Variants in DYNC2H1 observed in about 807,000 individuals in gnomAD.
DYNC2H1 encodes the protein dynein cytoplasmic 2 heavy chain 1.
DYNC2H1 carries 410 observed loss-of-function variants against 570.0 expected under a neutral mutation model. The ratio of observed to expected loss-of-function variants is 0.72; its 90% CI spans 0.66 to 0.78. The LOEUF is 0.78. Among genes scored for constraint, DYNC2H1 ranks in the 30% least tolerant of loss-of-function variants. The pLI is 0.00. For missense variants in DYNC2H1, 4,865 were observed against 5,046.4 expected (o/e 0.96, Z 1.09); for synonymous variants, 1,688 against 1,677.6 (o/e 1.01, Z -0.15).
rs772666730 is a variant in DYNC2H1, at chr11:103,165,877, A to C, written c.4612-21A>C. On this transcript the variant is annotated intron_variant, in intron 30 of 88. Coordinates refer to ENST00000375735, the MANE Select transcript of DYNC2H1 (RefSeq NM_001377.3). ...TAAGTAAATTCACCTTTTAAAAATA[A>C]TTTTTCTCTTTATTCAATAGATTTT... The C allele has an allele frequency of 1.1e-4, 155 of 1,434,222 alleles. 1 individual carries two copies. The highest frequency in any genetic ancestry group is 1.8e-5 in the Non-Finnish European group (20 of 1,091,744). 88.8% of individuals were successfully genotyped at this position (1,434,222 alleles called of 1,614,324 possible).
chr11:103,135,723 G>A lies in DYNC2H1; in HGVS notation c.2349G>A (p.Gln783=). 6.2e-7 allele frequency: 1 copy of A among 1,608,254 alleles called. No homozygotes were observed. Among genetic ancestry groups the A allele is most frequent in the Non-Finnish European group, 8.5e-7 (1 of 1,176,828 alleles). ...PEINIDLTYK[Q]GRLQFRPPFE... is the part of the protein sequence containing the mutation. ...AAAGTTATTTATTTACTTTTAGACA[G>A]GGACGATTACAATTCAGGCCCCCTT... Residue 783 remains glutamine, a synonymous_variant, in exon 17 of 89, where the codon CAG becomes CAA. Coordinates refer to ENST00000375735, the MANE Select transcript of DYNC2H1 (RefSeq NM_001377.3).
chr11:103,456,765 C>T (rs960777139), intron 87 of DYNC2H1, among the ~76,000 whole-genome samples: 3 of 152,154 alleles, frequency 2.0e-5, no homozygotes, highest in Non-Finnish European at 4.4e-5. Flanking sequence ...AATGTGATAC[C>T]ACGTATTGTC....
intron 70 of DYNC2H1, among the ~76,000 whole-genome samples, chr11:103,278,313 T>A (rs1300031577): frequency 6.6e-6 from 1 of 152,202 alleles, no homozygotes; most frequent in Non-Finnish European, 1.5e-5. Flanking sequence ...AATAAAATGA[T>A]AATAACTAAT....
In DYNC2H1 at chr11:103,157,171, T is replaced by C. The variant is rs991642985; in HGVS notation, c.4127+401T>C. On this transcript the variant is annotated intron_variant, in intron 26 of 88. Coordinates refer to ENST00000375735, the MANE Select transcript of DYNC2H1 (RefSeq NM_001377.3). The surrounding 1 kb of genome is among the most constrained non-coding windows in gnomAD (Gnocchi z 4.2). ...TCTCTTGGTTTTCTGACTGTCTCTC[T>C]AGTTCAACACATAGTTCCTAGTCCT... 8.5e-5 allele frequency among the ~76,000 whole-genome samples: 13 copies of C among 152,226 alleles called. No individual in the cohort carries two copies. Among genetic ancestry groups the C allele is most frequent in the African/African-American group, 3.1e-4 (13 of 41,470 alleles).
chr11:103,413,019 C>G (rs981559841), intron 84 of DYNC2H1, among the ~76,000 whole-genome samples: 15 of 152,148 alleles, frequency 9.9e-5, no homozygotes, highest in Non-Finnish European at 1.5e-4. Flanking sequence ...CACCTACCCT[C>G]CAGACTACTG....
At chr11:103,248,791 C>G (rs1325454180) in intron 65 of DYNC2H1, among the ~76,000 whole-genome samples, 1 of 151,970 alleles carries the variant, frequency 6.6e-6, no homozygotes, top group Admixed American at 6.6e-5. Context: ...CTGATTGTTA[C>G]AGAAGTAACC....
chr11:103,243,356 C>T lies in DYNC2H1; in HGVS notation c.9820-337C>T, dbSNP rs1308952606. Among the ~76,000 whole-genome samples, 2 of 152,028 alleles carry T rather than the reference C, an allele frequency of 1.3e-5. No homozygotes were observed. The highest frequency in any genetic ancestry group is 4.8e-5 in the African/African-American group (2 of 41,392). On this transcript the variant is annotated intron_variant, in intron 63 of 88. Transcript: ENST00000375735. This position sits in a 1 kb window ranked among gnomAD's most constrained non-coding sequence, Gnocchi z 4.8. The stretch of plus-strand genomic sequence containing the variant: ...ATTATAAAAGCCAAAAAGAATGCTG[C>T]AAATGACATCAGCTTGAGACTAAAG...
At position 103,472,902 on chromosome 11, in the gene DYNC2H1, G is replaced by A. The variant is rs780715564; in HGVS notation, c.12765+4197G>A. Among the ~76,000 whole-genome samples, 2 of 152,004 alleles carry A rather than the reference G, an allele frequency of 1.3e-5. No individual in the cohort carries two copies. The highest frequency in any genetic ancestry group is 2.9e-5 in the Non-Finnish European group (2 of 68,014). ...ACACCCAGTATCCCTGAGGAGCTTC[G>A]TTTCAACAGAAACTTGCCCACTAAC... is the stretch of plus-strand genomic sequence containing the variant. On this transcript the variant is annotated intron_variant, in intron 88 of 88. Transcript: ENST00000375735. This position sits in a 1 kb window ranked among gnomAD's most constrained non-coding sequence, Gnocchi z 4.1.
At chr11:103,442,940 A>G (rs12420262) in intron 85 of DYNC2H1, among the ~76,000 whole-genome samples, 27,430 of 149,048 alleles carry the variant, frequency 0.18, 2,686 homozygotes, top group Admixed American at 0.27. Flanking sequence ...GCAAAATATC[A>G]TTTCAATGCT....
At chr11:103,307,593 C>T in intron 77 of DYNC2H1, 128 bp from the exon 78 acceptor site, 1 of 524,798 alleles carries the variant, frequency 1.9e-6, no homozygotes, top group Non-Finnish European at 3.3e-6. Context: ...GAAATATAAC[C>T]AGAGCATTAA....
In DYNC2H1 at chr11:103,325,197, G is replaced by A. The variant is rs1487435076; in HGVS notation, c.12039+1207G>A. Among the ~76,000 whole-genome samples the A allele has an allele frequency of 6.6e-6, 1 of 152,156 alleles. No individual in the cohort carries two copies. On this transcript the variant is annotated intron_variant, in intron 82 of 88. Transcript: ENST00000375735. This position sits in a 1 kb window ranked among gnomAD's most constrained non-coding sequence, Gnocchi z 4.8. ...CTCTGTTGATAGTCTCTTTTGCTCT[G>A]CAGAAGCTCTTTAGTTAGGTCTCAT...
Position 103,319,416 on chromosome 11 carries a change from C to G in DYNC2H1, c.11726-1613C>G, listed in dbSNP as rs1457487714. Reference sequence around the variant, plus strand: ...AGCCATGCGACCTAGAGCAAGTTTCCTAATCTTTAAGCCTGAGTTTCCTGA... The same window carrying G: ...AGCCATGCGACCTAGAGCAAGTTTCGTAATCTTTAAGCCTGAGTTTCCTGA... On this transcript the variant is annotated intron_variant, in intron 80 of 88. Transcript: ENST00000375735. The surrounding 1 kb of genome is among the most constrained non-coding windows in gnomAD (Gnocchi z 4.3). Among the ~76,000 whole-genome samples the G allele has an allele frequency of 1.3e-5, 2 of 152,058 alleles. No individual in the cohort carries two copies. Among genetic ancestry groups the G allele is most frequent in the African/African-American group, 4.8e-5 (2 of 41,432 alleles).
At chr11:103,413,267 T>C (rs369660376) in intron 84 of DYNC2H1, among the ~76,000 whole-genome samples, 3 of 152,374 alleles carry the variant, frequency 2.0e-5, no homozygotes, top group East Asian at 3.8e-4. Context: ...TATTGTTTAC[T>C]TGCCTGCAAA....
intron 84 of DYNC2H1, among the ~76,000 whole-genome samples, chr11:103,423,618 C>G (rs1943565794): frequency 6.6e-6 from 1 of 151,634 alleles, no homozygotes; most frequent in Non-Finnish European, 1.5e-5. Flanking sequence ...AAATTTTAAC[C>G]TTCTCTTTAA....
chr11:103,423,214 A>T (rs1161707004), intron 84 of DYNC2H1, among the ~76,000 whole-genome samples: 1 of 151,672 alleles, frequency 6.6e-6, no homozygotes, highest in African/African-American at 2.4e-5. Context: ...GGAATCCATT[A>T]ATCAATGGAT....
chr11:103,127,846 T>A (rs1201382769), intron 12 of DYNC2H1, among the ~76,000 whole-genome samples: 1 of 152,246 alleles, frequency 6.6e-6, no homozygotes, highest in Non-Finnish European at 1.5e-5. Context: ...GAGAGACAGA[T>A]AACAAACACA....
At chr11:103,328,632 A>T (rs901521038) in intron 82 of DYNC2H1, among the ~76,000 whole-genome samples, 1 of 152,220 alleles carries the variant, frequency 6.6e-6, no homozygotes. Flanking sequence ...TACAAATATG[A>T]AGGCCAAAAA....
At chr11:103,139,916 A>G (rs1030974921) in intron 17 of DYNC2H1, among the ~76,000 whole-genome samples, 22 of 152,298 alleles carry the variant, frequency 1.4e-4, no homozygotes, top group Non-Finnish European at 2.8e-4. Context: ...GAGTGCATAT[A>G]TATTTAGGAT....
Position 103,199,369 on chromosome 11 carries a change from C to T in DYNC2H1, c.7981C>T (p.Arg2661Cys), listed in dbSNP as rs1862628139. ...LLLAGRSGVG[R>C]RTITSLVSHM... ...ATTAGCAGGACGCAGTGGTGTAGGT[C>T]GTCGGACCATCACTTCTTTAGTCAG... Residue 2661 changes from arginine (R) to cysteine (C), a missense_variant, in exon 49 of 89, where the codon CGT becomes TGT. Arg to Cys is a radical substitution (Grantham distance 180). Coordinates refer to ENST00000375735, the MANE Select transcript of DYNC2H1 (RefSeq NM_001377.3). This position sits in a 1 kb window ranked among gnomAD's most constrained non-coding sequence, Gnocchi z 4.6. 3 of 1,612,272 alleles carry T rather than the reference C, an allele frequency of 1.9e-6. No individual in the cohort carries two copies. Among genetic ancestry groups the T allele is most frequent in the Non-Finnish European group, 1.7e-6 (2 of 1,179,588 alleles).
Sources: gnomAD v4.1 joint callset for allele counts (sites outside exome capture counted in the v4.1 genomes callset) on GRCh38, gnomAD v4.1.1 for gene constraint, Gnocchi (gnomAD v3.1) non-coding constraint, MANE v1.5 for transcripts, NCBI Gene and HGNC (gene_info 2026-07-23, HGNC 2026-07-21) for gene names.